CACNA2D3: variants seen among roughly 807,000 people sequenced by gnomAD.
The protein encoded by CACNA2D3 is voltage-dependent calcium channel subunit alpha-2/delta-3.
In CACNA2D3, 60 loss-of-function variants were observed where a neutral mutation model predicts 160.6. That is an observed-to-expected ratio of 0.37 (90% CI 0.30 to 0.46). The LOEUF is 0.46. Ranked by LOEUF, CACNA2D3 falls within the 20% of genes least tolerant of loss-of-function variation. The probability of loss-of-function intolerance (pLI) is 1.00; values close to 1 mark genes in which losing one functional copy is unlikely to be tolerated. For missense variants in CACNA2D3, 1,205 were observed against 1,365.0 expected, an observed-to-expected ratio of 0.88 and a Z score of 1.85; for synonymous variants, 558 against 492.9, an observed-to-expected ratio of 1.13 and a Z score of -1.75.
chr3:54,972,696 G>A (rs1419769139), intron 29 of CACNA2D3, among the ~76,000 whole-genome samples: 1 of 152,196 alleles, frequency 6.6e-6, no homozygotes, highest in Non-Finnish European at 1.5e-5. Flanking sequence ...GTGGCTGGTA[G>A]GTGGAGCCAG....
intron 35 of CACNA2D3, among the ~76,000 whole-genome samples, chr3:55,067,849 G>C (rs960212974): frequency 6.6e-6 from 1 of 152,094 alleles, no homozygotes; most frequent in African/African-American, 2.4e-5. Context: ...AGTAATCCTA[G>C]AGGTTACAAA....
chr3:54,501,566 C>G (rs1701294810), intron 4 of CACNA2D3, among the ~76,000 whole-genome samples: 1 of 151,528 alleles, frequency 6.6e-6, no homozygotes, highest in Admixed American at 6.6e-5. Context: ...GCTGCTGCAA[C>G]CGACTAATTT....
intron 13 of CACNA2D3, among the ~76,000 whole-genome samples, chr3:54,807,578 G>A (rs1171343657): frequency 6.6e-6 from 1 of 151,964 alleles, no homozygotes; most frequent in East Asian, 1.9e-4. Flanking sequence ...AGGATGTGGA[G>A]AAATAGGAAC....
intron 2 of CACNA2D3, among the ~76,000 whole-genome samples, chr3:54,203,741 G>A (rs1701217849): frequency 6.6e-6 from 1 of 152,018 alleles, no homozygotes; most frequent in South Asian, 2.1e-4. Flanking sequence ...CTGTCGGTGT[G>A]CTGTTCTGCC....
intron 35 of CACNA2D3, among the ~76,000 whole-genome samples, chr3:55,050,898 G>A (rs1388996505): frequency 7.4e-6 from 1 of 134,568 alleles, no homozygotes; most frequent in Non-Finnish European, 1.6e-5. Flanking sequence ...GATCGCATTG[G>A]CTCCTGAGGC....
chr3:54,537,121 G>GAA (rs1491049183), intron 5 of CACNA2D3, among the ~76,000 whole-genome samples: 14 of 146,302 alleles, frequency 9.6e-5, no homozygotes, highest in African/African-American at 3.2e-4. Context: ...GAGAGAGAGA[G>GAA]ATGGAAGAAG....
In CACNA2D3 at chr3:54,722,148, A is replaced by G. The variant is rs370767516; in HGVS notation, c.1168-30451A>G. 1.7e-4 allele frequency among the ~76,000 whole-genome samples: 26 copies of G among 152,038 alleles called. 1 individual carries two copies. The South Asian group carries it at 5.4e-3, about 32-fold the overall frequency. ...TTCTCTAATCTTGTCTTCTTGCTTT[A>G]TTTCATTAAGTTGGTTTTCAATCAC... On this transcript the variant is annotated intron_variant, in intron 11 of 37. Coordinates refer to ENST00000474759, the MANE Select transcript of CACNA2D3 (RefSeq NM_018398.3).
At chr3:54,831,760 C>G (rs1297398804) in intron 14 of CACNA2D3, among the ~76,000 whole-genome samples, 1 of 152,128 alleles carries the variant, frequency 6.6e-6, no homozygotes, top group Non-Finnish European at 1.5e-5. Flanking sequence ...GTACATGGCA[C>G]TTGGGACCAC....
intron 3 of CACNA2D3, among the ~76,000 whole-genome samples, chr3:54,360,867 T>A (rs191652975): frequency 6.6e-6 from 1 of 152,278 alleles, no homozygotes; most frequent in Non-Finnish European, 1.5e-5. Context: ...AGACCTGGGC[T>A]GCCTAACACC....
At chr3:54,363,335 T>C (rs1698776874) in intron 3 of CACNA2D3, among the ~76,000 whole-genome samples, 1 of 152,180 alleles carries the variant, frequency 6.6e-6, no homozygotes, top group Non-Finnish European at 1.5e-5. Context: ...TAACCAGTTA[T>C]AGTGCAAGGT....
chr3:54,428,963 A>G (rs1699948540), intron 4 of CACNA2D3, among the ~76,000 whole-genome samples: 1 of 152,244 alleles, frequency 6.6e-6, no homozygotes, highest in Non-Finnish European at 1.5e-5. Context: ...AGTAGAGATC[A>G]GATGCCTGTT....
chr3:54,386,620 G>T lies in CACNA2D3; in HGVS notation c.322-95G>T, dbSNP rs919995993. 8.8e-6 allele frequency: 10 copies of T among 1,137,620 alleles called. No individual in the cohort carries two copies. The African/African-American group carries it at 1.6e-4, about 18-fold the overall frequency. The allele number at this position is 1,137,620 out of a possible 1,614,324, so 70.5% of individuals were successfully genotyped here. On this transcript the variant is annotated intron_variant, in intron 3 of 37. Coordinates refer to ENST00000474759, the MANE Select transcript of CACNA2D3 (RefSeq NM_018398.3). Reference sequence around the variant, plus strand: ...CATCAGATCACAATGTATGAACCACGATATAATATGTCACTTTTGGTCAAT... The same window carrying T: ...CATCAGATCACAATGTATGAACCACTATATAATATGTCACTTTTGGTCAAT...
intron 11 of CACNA2D3, among the ~76,000 whole-genome samples, chr3:54,653,292 T>G (rs1043032427): frequency 2.6e-5 from 4 of 152,222 alleles, no homozygotes; most frequent in Non-Finnish European, 5.9e-5. Flanking sequence ...CTCCTATTTC[T>G]CACTGCTGTT....
At chr3:54,236,526 A>G (rs936635507) in intron 2 of CACNA2D3, among the ~76,000 whole-genome samples, 2 of 152,196 alleles carry the variant, frequency 1.3e-5, no homozygotes, top group African/African-American at 4.8e-5. Flanking sequence ...TTTTGACTGA[A>G]CAGCAGGATG....
chr3:54,809,002 T>A (rs1182212659), intron 13 of CACNA2D3, among the ~76,000 whole-genome samples: 1 of 152,214 alleles, frequency 6.6e-6, no homozygotes, highest in Non-Finnish European at 1.5e-5. Flanking sequence ...ATGCATTAGC[T>A]CGTTTAATCC....
chr3:55,057,316 T>C (rs979529840), intron 35 of CACNA2D3, among the ~76,000 whole-genome samples: 2 of 152,168 alleles, frequency 1.3e-5, no homozygotes, highest in East Asian at 3.9e-4. Context: ...TCTTAATCAT[T>C]CCACATTTTA....
intron 2 of CACNA2D3, among the ~76,000 whole-genome samples, chr3:54,158,231 C>G (rs929323736): frequency 1.3e-5 from 2 of 152,234 alleles, no homozygotes; most frequent in Non-Finnish European, 2.9e-5. Flanking sequence ...GCTGTGAGGT[C>G]ACCCTGGGTG....
chr3:54,786,857 C>T (rs578062487), intron 13 of CACNA2D3, among the ~76,000 whole-genome samples: 15 of 152,282 alleles, frequency 9.9e-5, no homozygotes, highest in Non-Finnish European at 1.9e-4. Context: ...TTGCATGTGG[C>T]TCACATGCCC....
chr3:54,387,945 C>T (rs1411603018), intron 4 of CACNA2D3, among the ~76,000 whole-genome samples: 1 of 152,154 alleles, frequency 6.6e-6, no homozygotes, highest in Non-Finnish European at 1.5e-5. Flanking sequence ...CAAAGCTGAC[C>T]ACCGGCTGCA....
Sources: allele counts gnomAD v4.1 joint callset (sites outside exome capture counted in the v4.1 genomes callset), GRCh38; gene constraint gnomAD v4.1.1; transcripts MANE v1.5; gene names NCBI Gene and HGNC (gene_info 2026-07-23, HGNC 2026-07-21).